TTN: variants seen among roughly 807,000 people sequenced by gnomAD.
TTN encodes connectin.
A neutral mutation model predicts 3,223.0 loss-of-function variants in TTN; 1,525 were observed. The observed-to-expected ratio is 0.47, with a 90% CI of 0.45 to 0.49. The LOEUF is 0.49. Among genes scored for constraint, TTN ranks in the 20% least tolerant of loss-of-function variants. The pLI is 0.00. For missense variants in TTN, 40,786 were observed against 43,424.0 expected, an observed-to-expected ratio of 0.94 and a Z score of 5.40; for synonymous variants, 14,094 against 15,161.0, an observed-to-expected ratio of 0.93 and a Z score of 5.17.
Position 178,733,371 on chromosome 2 carries a change from G to A in TTN, c.15922C>T (p.Arg5308Ter), listed in dbSNP as rs886042995. 2.4e-5 allele frequency: 39 copies of A among 1,613,608 alleles called. No individual in the cohort carries two copies. Among genetic ancestry groups the A allele is most frequent in the Non-Finnish European group, 2.5e-5 (30 of 1,179,770 alleles). The change falls in exon 54 of 363, where the codon CGA (arginine) becomes TGA (stop). Residue 5308 changes from arginine (R) to a stop codon, truncating the protein, a stop_gained. Coordinates refer to ENST00000589042, the MANE Select transcript of TTN (RefSeq NM_001267550.2). LOFTEE classifies it high-confidence loss of function. Reference protein sequence around the residue: ...GRPLVASKKYRISFKNNVAQL... With the variant: ...GRPLVASKKY ...GCAACATTGTTTTTAAAACTTATTC[G>A]GTATTTTTTACTGGCGACCAAGGGT...
Position 178,726,040 on chromosome 2 carries a change from G to A in TTN, c.20282C>T (p.Pro6761Leu). Residue 6761 changes from proline (P) to leucine (L), a missense_variant, in exon 70 of 363, where the codon CCT becomes CTT. By Grantham distance (98) the Pro-to-Leu change is moderately conservative (BLOSUM62 -3). Transcript: ENST00000589042. ...TATAGGAGGGAAGCTGCTAAAAACA[G>A]GTGGCTCTGCAAAAAACAAGAATTT... ...CSTKVIVKEP[P>L]VFSSFPPIVE... The A allele has an allele frequency of 6.6e-7, 1 of 1,505,654 alleles. No homozygotes were observed. Among genetic ancestry groups the A allele is most frequent in the Non-Finnish European group, 8.9e-7 (1 of 1,127,024 alleles). The allele number at this position is 1,505,654 out of a possible 1,614,324, so 93.3% of individuals were successfully genotyped here. A position where few individuals can be genotyped will look rare whatever the true frequency, so the allele number is the denominator to read the frequency against.
chr2:178,566,583 T>C lies in TTN; in HGVS notation c.79549A>G (p.Ser26517Gly). 1 of 1,612,870 alleles carries C rather than the reference T, an allele frequency of 6.2e-7. No homozygotes were observed. The highest frequency in any genetic ancestry group is 8.5e-7 in the Non-Finnish European group (1 of 1,179,680). The change falls in exon 326 of 363, where the codon AGT becomes GGT. Residue 26517 changes from serine to glycine, a missense_variant. Transcript: ENST00000589042. ...TCTACTACATATCCCAAGATCTCAC[T>C]GCCGCCATCATAGATGGGTTTACCC... ...AWGKPIYDGG[S>G]EILGYVVEIC...
At position 178,574,037 on chromosome 2, in the gene TTN, T is replaced by C. The variant is rs1559432720; in HGVS notation, c.72095A>G (p.Asp24032Gly). ...TATAACCGTGTCCTTAAATTTAACA[T>C]CCACCTTTATCTTTGGTGCCTCAAC... ...DDVEAPKIKVDVKFKDTVILK... is the reference protein window; with the variant it reads ...DDVEAPKIKVGVKFKDTVILK... Residue 24032 changes from aspartate to glycine, a missense_variant, in exon 326 of 363, where the codon GAT becomes GGT. Transcript: ENST00000589042. 6.2e-7 allele frequency: 1 copy of C among 1,613,452 alleles called. No homozygotes were observed. Among genetic ancestry groups the C allele is most frequent in the Non-Finnish European group, 8.5e-7 (1 of 1,179,584 alleles).
Position 178,563,804 on chromosome 2 carries a change from C to T in TTN, c.82328G>A (p.Arg27443His), listed in dbSNP as rs551496477. 1.9e-5 allele frequency: 31 copies of T among 1,613,534 alleles called. No homozygotes were observed. The highest frequency in any genetic ancestry group is 2.4e-5 in the Non-Finnish European group (28 of 1,179,740). Residue 27443 changes from arginine to histidine, a missense_variant, in exon 326 of 363, where the codon CGT becomes CAT. Physicochemically the swap from Arg to His is conservative, Grantham distance 29. Transcript: ENST00000589042. The surrounding 1 kb of genome is among the most constrained non-coding windows in gnomAD (Gnocchi z 4.5). ...TCCATATTTATTCACAGCCATGACACGGAAAATGTACTCATTACCAGGAAG... is the reference window on the plus strand; with the variant it reads ...TCCATATTTATTCACAGCCATGACATGGAAAATGTACTCATTACCAGGAAG... ...KLLPGNEYIF[R>H]VMAVNKYGIG...
intron 304 of TTN, 89 bp downstream of exon 304, chr2:178,588,449 T>G (rs1339240858): frequency 1.4e-5 from 19 of 1,393,430 alleles, no homozygotes; most frequent in Non-Finnish European, 1.7e-5. Flanking sequence ...ATGTTACAGA[T>G]TTAGATGTTA....
Position 178,704,148 on chromosome 2 carries a change from T to A in TTN, c.30222A>T (p.Glu10074Asp). 1 of 1,613,598 alleles carries A rather than the reference T, an allele frequency of 6.2e-7. No homozygotes were observed. Among genetic ancestry groups the A allele is most frequent in the South Asian group, 1.1e-5 (1 of 91,074 alleles). The stretch of plus-strand genomic sequence containing the variant: ...AGGACTCCATAGTGTTTCACGCACC[T>A]TCGATTCTGAGTTCTGCTGAAGTTT... ...DLETSAELRI[E>D]AEPIQFTKRI... Residue 10074 changes from glutamate (E) to aspartate (D), a missense_variant and splice_region_variant, in exon 106 of 363, where the codon GAA becomes GAT. Physicochemically the swap from Glu to Asp is conservative, Grantham distance 45. Transcript: ENST00000589042.
At chr2:178,595,830 A>T (rs72646834) in intron 294 of TTN, 21 bp from the exon 295 acceptor site, 38,841 of 1,563,518 alleles carry the variant, frequency 0.025, 598 homozygotes, top group East Asian at 0.063. Flanking sequence ...GAAGAAAATA[A>T]TTCAAGCTGT....
rs2051007061 is a variant in TTN, at chr2:178,594,611, C to A, written c.57883G>T (p.Glu19295Ter). Residue 19295 changes from glutamate (E) to a stop codon, truncating the protein, a stop_gained, in exon 296 of 363, where the codon GAA (glutamate) becomes TAA (stop). Transcript: ENST00000589042. LOFTEE classifies it high-confidence loss of function. Reference protein sequence around the residue: ...PERPEDLEVKEVTKNTVTLTW... With the variant: ...PERPEDLEVK ...AAAGTTACAGTATTTTTAGTAACTT[C>A]TTTGACTTCCAGGTCTTCAGGACGC... is the stretch of plus-strand genomic sequence containing the variant. The A allele has an allele frequency of 6.2e-7, 1 of 1,611,562 alleles. No individual in the cohort carries two copies. The highest frequency in any genetic ancestry group is 8.5e-7 in the Non-Finnish European group (1 of 1,178,582).
intron 98 of TTN, 131 bp from the exon 99 acceptor site, chr2:178,709,987 A>G (rs2076422495): frequency 1.1e-6 from 1 of 878,346 alleles, no homozygotes; most frequent in African/African-American, 1.7e-5. Flanking sequence ...ACTATATCAG[A>G]ATATGTTCCT....
At chr2:178,616,408 T>C in intron 257 of TTN, 71 bp downstream of exon 257, 1 of 1,579,868 alleles carries the variant, frequency 6.3e-7, no homozygotes, top group Non-Finnish European at 8.6e-7. Context: ...GACTTTTGTA[T>C]GGCATCCCAA....
chr2:178,577,831 A>G lies in TTN; in HGVS notation c.68595T>C (p.Pro22865=), dbSNP rs1323362224. ...RNSVTLIWTE[P]KYDGGHKLTG... ...TTAACTTATGACCACCGTCATATTT[A>G]GGTTCAGTCCAAATGAGAGTCACTG... The change falls in exon 323 of 363, where the codon CCT becomes CCC. Residue 22865 remains proline (P), a synonymous_variant. Transcript: ENST00000589042. The G allele has an allele frequency of 1.2e-6, 2 of 1,610,760 alleles. No individual in the cohort carries two copies. Among genetic ancestry groups the G allele is most frequent in the East Asian group, 4.5e-5 (2 of 44,690 alleles).
Position 178,611,917 on chromosome 2 carries a change from AAC to A in TTN, c.50390_50391del (p.Arg16797LeufsTer11). On this transcript the variant is annotated frameshift_variant, in exon 268 of 363. Transcript: ENST00000589042. LOFTEE classifies it high-confidence loss of function. Reference protein sequence around the residue: ...VIEKKERLGTRWVKAGKTAGP... With the variant: ...VIEKKERLGTXWVKAGKTAGP... ...CCTGCAGTCTTTCCAGCTTTCACCC[AAC>A]GGGTACCTAACCTTTCTTTCTTCTC... 1 of 1,612,594 alleles carries A rather than the reference AAC, an allele frequency of 6.2e-7. No homozygotes were observed. Among genetic ancestry groups the A allele is most frequent in the South Asian group, 1.1e-5 (1 of 90,954 alleles).
chr2:178,647,516 T>C lies in TTN; in HGVS notation c.40058-52A>G, dbSNP rs187158217. ...TTAAGAATTTAGAAGACATGCAAGA[T>C]TGTCTAAAGAGCAGGCAAAGAATGC... On this transcript the variant is annotated intron_variant, in intron 213 of 362. Coordinates refer to ENST00000589042, the MANE Select transcript of TTN (RefSeq NM_001267550.2). 209 of 1,519,246 alleles carry C rather than the reference T, an allele frequency of 1.4e-4. 1 individual carries two copies. Among genetic ancestry groups the C allele is most frequent in the Non-Finnish European group, 9.9e-5 (111 of 1,119,398 alleles). 94.1% of individuals were successfully genotyped at this position (1,519,246 alleles called of 1,614,324 possible). A position where few individuals can be genotyped will look rare whatever the true frequency, so the allele number is the denominator to read the frequency against.
rs1360440169 is a variant in TTN, at chr2:178,693,617, G to A, written c.31586C>T (p.Pro10529Leu). 6.3e-7 allele frequency: 1 copy of A among 1,591,686 alleles called. No homozygotes were observed. The highest frequency in any genetic ancestry group is 1.3e-5 in the African/African-American group (1 of 74,262). The change falls in exon 119 of 363, where the codon CCA (proline) becomes CTA (leucine). Residue 10529 changes from proline to leucine, a missense_variant. Physicochemically the swap from Pro to Leu is moderately conservative, Grantham distance 98. Coordinates refer to ENST00000589042, the MANE Select transcript of TTN (RefSeq NM_001267550.2). ...HVAISKRVEP[P>L]PKVPELPEKP... ...GAATGAATTACTAATACCTTTAGGT[G>A]GTGGTTCAACCCTTTTGGAAATGGC...
chr2:178,567,264 G>C lies in TTN; in HGVS notation c.78868C>G (p.Pro26290Ala), dbSNP rs1300310462. 1 of 1,606,558 alleles carries C rather than the reference G, an allele frequency of 6.2e-7. No individual in the cohort carries two copies. The highest frequency in any genetic ancestry group is 2.2e-5 in the East Asian group (1 of 44,802). Residue 26290 changes from proline (P) to alanine (A), a missense_variant, in exon 326 of 363, where the codon CCA (proline) becomes GCA (alanine). Coordinates refer to ENST00000589042, the MANE Select transcript of TTN (RefSeq NM_001267550.2). ...NVKVLDRPGP[P>A]EGPVQVTGVT... ...CCAGTAACCTGGACTGGCCCTTCTG[G>C]AGGTCCTGGTCTATCTAATACTTTT...
intron 15 of TTN, 151 bp downstream of exon 15, chr2:178,785,469 G>C: frequency 8.7e-7 from 1 of 1,152,908 alleles, no homozygotes. Context: ...CAAATCTTTA[G>C]GGTGTCTGGG....
At position 178,671,108 on chromosome 2, in the gene TTN, T is replaced by C; in HGVS notation, c.35290A>G (p.Lys11764Glu). ...KKPPTKVVPR[K>E]EPPAKVPEVP... ...AAGATACCTTTAGCTGGTGGCTCTTTTCGAGGAACAACTTTAGTGGGCGGT... is the reference window on the plus strand; with the variant it reads ...AAGATACCTTTAGCTGGTGGCTCTTCTCGAGGAACAACTTTAGTGGGCGGT... Residue 11764 changes from lysine (K) to glutamate (E), a missense_variant, in exon 156 of 363, where the codon AAA (lysine) becomes GAA (glutamate). Physicochemically the swap from Lys to Glu is moderately conservative, Grantham distance 56. Coordinates refer to ENST00000589042, the MANE Select transcript of TTN (RefSeq NM_001267550.2). 6.2e-7 allele frequency: 1 copy of C among 1,606,274 alleles called. No individual in the cohort carries two copies.
chr2:178,542,570 AAG>A lies in TTN; in HGVS notation c.97193-9_97193-8del. On this transcript the variant is annotated splice_region_variant and splice_polypyrimidine_tract_variant and intron_variant, in intron 348 of 362. Transcript: ENST00000589042. The stretch of plus-strand genomic sequence containing the variant: ...GTTGGTGGACCAGGCTTGTCTATGA[AAG>A]AGAAGAAATACAGGAAATTAATTTT... 6.3e-7 allele frequency: 1 copy of A among 1,595,266 alleles called. No homozygotes were observed. Among genetic ancestry groups the A allele is most frequent in the Non-Finnish European group, 8.6e-7 (1 of 1,167,778 alleles).
At chr2:178,559,210 C>A in intron 326 of TTN, 101 bp downstream of exon 326, 3 of 1,161,770 alleles carry the variant, frequency 2.6e-6, no homozygotes, top group South Asian at 3.2e-5. Flanking sequence ...GGGTGTGAAC[C>A]CAAAAGCATT....
Sources: allele counts gnomAD v4.1 joint callset, GRCh38; gene constraint gnomAD v4.1.1; non-coding constraint Gnocchi (gnomAD v3.1); transcripts MANE v1.5; gene names NCBI Gene and HGNC (gene_info 2026-07-23, HGNC 2026-07-21).